Variants in ATRNL1 observed in about 807,000 individuals in gnomAD.
The protein encoded by ATRNL1 is attractin-like protein 1.
ATRNL1 carries 95 observed loss-of-function variants against 182.7 expected under a neutral mutation model. The ratio of observed to expected loss-of-function variants is 0.52; its 90% CI spans 0.44 to 0.62. The LOEUF (loss-of-function observed/expected upper bound fraction) is 0.62. Ranked by LOEUF, ATRNL1 falls within the 20% of genes least tolerant of loss-of-function variation. The pLI, the probability that ATRNL1 is intolerant of heterozygous loss-of-function variation, is 0.00. For synonymous variants in ATRNL1, 576 were observed against 568.3 expected, an observed-to-expected ratio of 1.01 and a Z score of -0.19; for missense variants, 1,471 against 1,679.5, an observed-to-expected ratio of 0.88 and a Z score of 2.17.
chr10:115,487,950 G>C (rs1292134778), intron 24 of ATRNL1, among the ~76,000 whole-genome samples: 1 of 152,134 alleles, frequency 6.6e-6, no homozygotes, highest in Non-Finnish European at 1.5e-5. Context: ...GTTGAATTTT[G>C]TTGAAGGCCT....
At chr10:115,494,011 A>G (rs1849431887) in intron 24 of ATRNL1, among the ~76,000 whole-genome samples, 2 of 152,086 alleles carry the variant, frequency 1.3e-5, no homozygotes, top group African/African-American at 4.8e-5. Context: ...TTCTGGTTAT[A>G]AATCCTTAGA....
intron 26 of ATRNL1, among the ~76,000 whole-genome samples, chr10:115,688,508 C>G (rs1946290399): frequency 6.6e-6 from 1 of 152,050 alleles, no homozygotes; most frequent in African/African-American, 2.4e-5. Context: ...GCCATTCTAA[C>G]TTGGGTGAGA....
intron 13 of ATRNL1, among the ~76,000 whole-genome samples, chr10:115,278,340 C>T (rs1852198271): frequency 1.3e-5 from 2 of 152,158 alleles, no homozygotes; most frequent in South Asian, 4.1e-4. Context: ...ATAAATTTAG[C>T]AGAGCTTATT....
intron 26 of ATRNL1, among the ~76,000 whole-genome samples, chr10:115,717,351 T>C (rs1555056578): frequency 6.6e-6 from 1 of 152,112 alleles, no homozygotes; most frequent in African/African-American, 2.4e-5. Context: ...TTTATTCAGC[T>C]CCTGTGTGCC....
intron 24 of ATRNL1, among the ~76,000 whole-genome samples, chr10:115,511,556 G>T (rs1462616430): frequency 1.3e-5 from 2 of 151,630 alleles, no homozygotes; most frequent in East Asian, 3.9e-4. Flanking sequence ...ATTATGTCTG[G>T]CAAGCTGACG....
At chr10:115,445,641 C>T (rs1287014646) in intron 21 of ATRNL1, among the ~76,000 whole-genome samples, 1 of 150,748 alleles carries the variant, frequency 6.6e-6, no homozygotes, top group African/African-American at 2.4e-5. Flanking sequence ...TAAAAGTCAC[C>T]ATTTTAAAGT....
chr10:115,880,458 T>A (rs1002261330), intron 28 of ATRNL1, among the ~76,000 whole-genome samples: 2 of 152,146 alleles, frequency 1.3e-5, no homozygotes, highest in Non-Finnish European at 2.9e-5. Context: ...ACCCAGTCTC[T>A]ACTAATAAAA....
chr10:115,868,489 C>T (rs1951491549), intron 28 of ATRNL1, among the ~76,000 whole-genome samples: 1 of 152,192 alleles, frequency 6.6e-6, no homozygotes, highest in South Asian at 2.1e-4. Context: ...CGAGGGCCAT[C>T]TTTCTTTATC....
chr10:115,626,939 A>C (rs921782548), intron 26 of ATRNL1, among the ~76,000 whole-genome samples: 2 of 152,180 alleles, frequency 1.3e-5, no homozygotes, highest in Non-Finnish European at 2.9e-5. Context: ...AATATTTAAC[A>C]TGGTTTTTGC....
rs180801374 is a variant in ATRNL1 at position 115,561,625 on chromosome 10, C to T, written c.3795+12089C>T. Among the ~76,000 whole-genome samples the T allele has an allele frequency of 1.6e-3, 236 of 150,044 alleles. 1 individual carries two copies. The highest frequency in any genetic ancestry group is 5.3e-3 in the African/African-American group (217 of 40,636). On this transcript the variant is annotated intron_variant, in intron 26 of 28. Transcript: ENST00000355044. ...GCATCTCTGGATTTTGGTATCCTTG[C>T]GGGGATCCTGGAACCAATCTCCTGC...
At chr10:115,671,394 G>A (rs1945693445) in intron 26 of ATRNL1, among the ~76,000 whole-genome samples, 1 of 152,038 alleles carries the variant, frequency 6.6e-6, no homozygotes, top group Non-Finnish European at 1.5e-5. Flanking sequence ...TAATATAAAA[G>A]ATTTCCAATA....
chr10:115,672,973 C>T (rs1945746761), intron 26 of ATRNL1, among the ~76,000 whole-genome samples: 1 of 152,106 alleles, frequency 6.6e-6, no homozygotes, highest in Non-Finnish European at 1.5e-5. Flanking sequence ...TCCTGCCACA[C>T]CTCCCTTTAT....
At chr10:115,724,821 A>T (rs1947543410) in intron 26 of ATRNL1, among the ~76,000 whole-genome samples, 1 of 152,184 alleles carries the variant, frequency 6.6e-6, no homozygotes, top group Non-Finnish European at 1.5e-5. Context: ...GGCAGAAATT[A>T]GTTGCAAAGA....
In ATRNL1 at chr10:115,549,440, T is replaced by TTG; in HGVS notation, c.3717-14_3717-13dup. On this transcript the variant is annotated splice_polypyrimidine_tract_variant and intron_variant, in intron 25 of 28. Coordinates refer to ENST00000355044, the MANE Select transcript of ATRNL1 (RefSeq NM_207303.4). ...CAAATAAGTTTTGAGCAAAAATTAT[T>TTG]TGTGTTTTATTTTCCAGTTGTTTCC... 1 of 1,572,306 alleles carries TTG rather than the reference T, an allele frequency of 6.4e-7. No homozygotes were observed. The highest frequency in any genetic ancestry group is 8.6e-7 in the Non-Finnish European group (1 of 1,158,956).
At chr10:115,313,484 G>A (rs988702372) in intron 17 of ATRNL1, among the ~76,000 whole-genome samples, 9 of 152,128 alleles carry the variant, frequency 5.9e-5, no homozygotes, top group Non-Finnish European at 7.4e-5. Context: ...TTATAAGTAG[G>A]TGCACTGTCT....
chr10:115,684,525 A>G (rs535856735), intron 26 of ATRNL1, among the ~76,000 whole-genome samples: 58 of 151,334 alleles, frequency 3.8e-4, no homozygotes, highest in Admixed American at 1.6e-3. Flanking sequence ...GGATATTTAC[A>G]TTAAGAAATA....
chr10:115,286,586 C>T (rs1564881419), intron 15 of ATRNL1, among the ~76,000 whole-genome samples, 189 bp downstream of exon 15: 6 of 151,968 alleles, frequency 3.9e-5, no homozygotes, highest in African/African-American at 1.4e-4. Flanking sequence ...TGTAAATTAT[C>T]ACTTTTTGCA....
chr10:115,510,763 A>G (rs1260818788), intron 24 of ATRNL1, among the ~76,000 whole-genome samples: 1 of 152,016 alleles, frequency 6.6e-6, no homozygotes, highest in Non-Finnish European at 1.5e-5. Flanking sequence ...CAGAGAAAGA[A>G]GCAAGGCTAA....
At chr10:115,096,498 C>T (rs2143365177) in intron 1 of ATRNL1, 6 of 402,226 alleles carry the variant, frequency 1.5e-5, no homozygotes, top group South Asian at 1.3e-4. Context: ...GAAAATCTCA[C>T]TTCACTAACT....
Sources: gnomAD v4.1 joint callset for allele counts (sites outside exome capture counted in the v4.1 genomes callset) on GRCh38, gnomAD v4.1.1 for gene constraint, MANE v1.5 for transcripts, NCBI Gene and HGNC (gene_info 2026-07-23, HGNC 2026-07-21) for gene names.